The following SGCD variants were observed in gnomAD, a reference collection of about 807,000 sequenced individuals.
The protein encoded by SGCD is sarcoglycan delta, also known as delta-sarcoglycan.
Under a neutral mutation model 36.6 loss-of-function variants are expected in SGCD, and 18 were observed. The observed-to-expected ratio is 0.49, with a 90% CI of 0.34 to 0.73. The LOEUF is 0.73. SGCD is among the 30% of genes least tolerant of loss of function. SGCD has a pLI of 0.01. For synonymous variants in SGCD, 133 were observed against 130.6 expected (o/e 1.02, Z -0.12); for missense variants, 387 against 346.7 (o/e 1.12, Z -0.92).
chr5:156,371,650 A>C (rs1047077287), intron 3 of SGCD, among the ~76,000 whole-genome samples: 2 of 152,174 alleles, frequency 1.3e-5, no homozygotes, highest in Non-Finnish European at 2.9e-5. Context: ...TGCCTTTAGA[A>C]CCACGTTTGT....
intron 3 of SGCD, among the ~76,000 whole-genome samples, chr5:156,409,398 TG>T (rs1772618407): frequency 6.6e-6 from 1 of 152,236 alleles, no homozygotes; most frequent in African/African-American, 2.4e-5. Context: ...TCCCTATTTT[TG>T]TTAAAGATAA....
chr5:156,329,447 T>A lies in SGCD; in HGVS notation c.-43-87T>A. 7 of 893,230 alleles carry A rather than the reference T, an allele frequency of 7.8e-6. No homozygotes were observed. The South Asian group carries it at 1.0e-4, about 13-fold the overall frequency. The allele number at this position is 893,230 out of a possible 1,614,324, so 55.3% of individuals were successfully genotyped here. A position where few individuals can be genotyped will look rare whatever the true frequency, so the allele number is the denominator to read the frequency against. On this transcript the variant is annotated intron_variant, in intron 1 of 8. Coordinates refer to ENST00000337851, the MANE Select transcript of SGCD (RefSeq NM_000337.6). ...AATCAGAAAGCACATTTTGTAAGAA[T>A]GGCATTGCCTGAGGGTTCAGATTTC...
At chr5:156,742,738 C>G (rs1756748643) in intron 7 of SGCD, among the ~76,000 whole-genome samples, 1 of 152,108 alleles carries the variant, frequency 6.6e-6, no homozygotes, top group Non-Finnish European at 1.5e-5. Flanking sequence ...GACTGAGAAC[C>G]AAGGAGTAGA....
At chr5:155,850,054 T>A in the SGCD span, among the ~76,000 whole-genome samples, 1 of 152,226 alleles carries the variant, frequency 6.6e-6, no homozygotes, top group Admixed American at 6.5e-5. Flanking sequence ...GTTTAATTGG[T>A]TGGTTCCTGG....
At chr5:155,876,995 A>C (rs1017964161) in intron 1 of SGCD, among the ~76,000 whole-genome samples, 7 of 152,132 alleles carry the variant, frequency 4.6e-5, no homozygotes, top group African/African-American at 1.4e-4. Context: ...TTTGGAATAC[A>C]TTCCCTATCT....
chr5:155,869,895 A>C (rs569914907), upstream of SGCD, among the ~76,000 whole-genome samples: 95 of 152,266 alleles, frequency 6.2e-4, no homozygotes, highest in African/African-American at 1.9e-3. Flanking sequence ...GTGACTCAGG[A>C]GGCTGAGGCA....
At chr5:156,121,071 A>G (rs1406732502) in intron 2 of SGCD, among the ~76,000 whole-genome samples, 8 of 152,158 alleles carry the variant, frequency 5.3e-5, no homozygotes, top group Non-Finnish European at 1.0e-4. Context: ...GTAGCTGCAT[A>G]CAACTGATCC....
At chr5:156,153,509 T>G (rs1332740229) in intron 3 of SGCD, among the ~76,000 whole-genome samples, 2 of 151,722 alleles carry the variant, frequency 1.3e-5, no homozygotes, top group Admixed American at 6.6e-5. Flanking sequence ...GGGATCAAAT[T>G]TTTTATTTCC....
At chr5:156,256,056 T>C (rs1765708146) in intron 3 of SGCD, among the ~76,000 whole-genome samples, 1 of 152,202 alleles carries the variant, frequency 6.6e-6, no homozygotes, top group Admixed American at 6.5e-5. Context: ...ATGCTTTTAG[T>C]TTTGCATGTA....
the SGCD span, among the ~76,000 whole-genome samples, chr5:155,802,045 G>A: frequency 0.26 from 39,962 of 152,078 alleles, 5,900 homozygotes; most frequent in Admixed American, 0.46. Context: ...TGTTTCCCCA[G>A]CTATAGCTGA....
intron 1 of SGCD, among the ~76,000 whole-genome samples, chr5:156,102,830 TTA>T (rs113270733): frequency 3.9e-4 from 60 of 152,324 alleles, no homozygotes; most frequent in Non-Finnish European, 5.7e-4. Flanking sequence ...GCGTATATAC[TTA>T]TATTGTGTGT....
intron 7 of SGCD, among the ~76,000 whole-genome samples, chr5:156,725,493 AG>A (rs2113791806): frequency 6.6e-6 from 1 of 152,342 alleles, no homozygotes; most frequent in Non-Finnish European, 1.5e-5. Flanking sequence ...TGTGAGATGG[AG>A]TCCAGAGCCA....
intron 1 of SGCD, among the ~76,000 whole-genome samples, chr5:155,976,742 C>T (rs56398876): frequency 0.041 from 6,212 of 152,124 alleles, 153 homozygotes; most frequent in South Asian, 0.081. Context: ...TGAAAGGCAA[C>T]GGGTGTGTCC....
At chr5:156,724,712 A>G (rs2113789431) in intron 7 of SGCD, among the ~76,000 whole-genome samples, 1 of 152,310 alleles carries the variant, frequency 6.6e-6, no homozygotes, top group South Asian at 2.1e-4. Flanking sequence ...TAATTGTGCT[A>G]GAGTTTCAGA....
intron 6 of SGCD, among the ~76,000 whole-genome samples, chr5:156,623,614 T>G (rs1762336566): frequency 6.6e-6 from 1 of 152,216 alleles, no homozygotes; most frequent in Admixed American, 6.5e-5. Flanking sequence ...AGTTGCTTGA[T>G]GTGAGCTGAT....
At chr5:156,706,370 C>T (rs566015890) in intron 7 of SGCD, among the ~76,000 whole-genome samples, 49 of 152,094 alleles carry the variant, frequency 3.2e-4, no homozygotes, top group Non-Finnish European at 5.7e-4. Context: ...TGTTATCTGC[C>T]ACAATGCTTG....
At position 156,056,861 on chromosome 5, in the gene SGCD, T is replaced by A. The variant is rs1448674269; in HGVS notation, c.-281-61017T>A. 2.1e-5 allele frequency among the ~76,000 whole-genome samples: 3 copies of A among 145,736 alleles called. 1 individual carries two copies. The highest frequency in any genetic ancestry group is 4.6e-5 in the Non-Finnish European group (3 of 64,802). ...ACCACTGGGCATTTTTTGAAAGTAC[T>A]TTATGAATCCTCTTGTTGCCTTATC... On this transcript the variant is annotated intron_variant, in intron 1 of 9. Coordinates refer to the SGCD transcript ENST00000517913.
At chr5:156,115,451 C>T (rs1761885296) in intron 1 of SGCD, among the ~76,000 whole-genome samples, 1 of 151,986 alleles carries the variant, frequency 6.6e-6, no homozygotes, top group African/African-American at 2.4e-5. Flanking sequence ...TATTATTACC[C>T]AACCCCTATT....
At chr5:155,755,846 G>T in the SGCD span, among the ~76,000 whole-genome samples, 2 of 152,188 alleles carry the variant, frequency 1.3e-5, no homozygotes, top group African/African-American at 2.4e-5. Flanking sequence ...CAGGGTGTTA[G>T]ATAGGTAGTG....
Sources: allele counts gnomAD v4.1 joint callset (sites outside exome capture counted in the v4.1 genomes callset), GRCh38; gene constraint gnomAD v4.1.1; transcripts MANE v1.5; gene names NCBI Gene and HGNC (gene_info 2026-07-23, HGNC 2026-07-21).